WDR89: variants seen among roughly 807,000 people sequenced by gnomAD.
WDR89 encodes the protein WD repeat-containing protein 89.
WDR89 carries 17 observed loss-of-function variants against 29.1 expected under a neutral mutation model. That is an observed-to-expected ratio of 0.58 (90% confidence interval 0.40 to 0.88). The LOEUF is 0.88. Among genes scored for constraint, WDR89 ranks in the 40% least tolerant of loss-of-function variants. WDR89 has a pLI of 0.00. For synonymous variants in WDR89, 138 were observed against 157.8 expected (o/e 0.87, Z 0.94); for missense variants, 396 against 456.3 (o/e 0.87, Z 1.20).
chr14:63,619,077 C>G (rs552407867), intron 2 of WDR89, among the ~76,000 whole-genome samples: 1 of 152,284 alleles, frequency 6.6e-6, no homozygotes, highest in South Asian at 2.1e-4. Context: ...CCTACTTCTG[C>G]CAAGCCTTAC....
intron 2 of WDR89, chr14:63,621,999 TAAAG>T (rs1882724860): frequency 6.6e-6 from 1 of 152,154 alleles, no homozygotes. Flanking sequence ...CGGATTGACA[TAAAG>T]AAATAAAGAG....
intron 2 of WDR89, among the ~76,000 whole-genome samples, chr14:63,603,066 TTTAAAATAGAAATAA>T (rs1273260490): frequency 6.6e-6 from 1 of 152,012 alleles, no homozygotes; most frequent in Non-Finnish European, 1.5e-5. Flanking sequence ...TGGATTTGGG[TTTAAAATAGAAATAA>T]GCATTCCCTC....
At chr14:63,622,147 T>G (rs1329508224) in intron 2 of WDR89, among the ~76,000 whole-genome samples, 3 of 152,206 alleles carry the variant, frequency 2.0e-5, no homozygotes, top group Non-Finnish European at 1.5e-5. Flanking sequence ...CAAAGTAAAG[T>G]GCACCAGTCA....
chr14:63,626,867 C>T (rs1883095423), intron 1 of WDR89, among the ~76,000 whole-genome samples: 1 of 151,784 alleles, frequency 6.6e-6, no homozygotes, highest in Non-Finnish European at 1.5e-5. Flanking sequence ...CCTGTAATCC[C>T]AGCACTTTGG....
chr14:63,615,654 C>A (rs533169011), intron 2 of WDR89, among the ~76,000 whole-genome samples: 1 of 152,194 alleles, frequency 6.6e-6, no homozygotes, highest in East Asian at 1.9e-4. Context: ...CAGCCGGGCC[C>A]AGTGGCTCAT....
At chr14:63,640,739 G>A (rs539942085) in intron 1 of WDR89, among the ~76,000 whole-genome samples, 1 of 150,214 alleles carries the variant, frequency 6.7e-6, no homozygotes, top group Non-Finnish European at 1.5e-5. Context: ...GCCTCCCAAA[G>A]TGCTGGGATT....
At chr14:63,604,788 T>C (rs1264341345) in intron 2 of WDR89, among the ~76,000 whole-genome samples, 2 of 152,166 alleles carry the variant, frequency 1.3e-5, no homozygotes, top group African/African-American at 2.4e-5. Context: ...CTTTCACACA[T>C]TAAAATCACC....
At chr14:63,611,779 T>A (rs1407525193) in intron 2 of WDR89, among the ~76,000 whole-genome samples, 1 of 141,668 alleles carries the variant, frequency 7.1e-6, no homozygotes, top group Non-Finnish European at 1.5e-5. Flanking sequence ...CAGGCTAGAG[T>A]GCTGTGGTGC....
At chr14:63,626,131 T>C (rs932693889) in intron 1 of WDR89, among the ~76,000 whole-genome samples, 2 of 151,978 alleles carry the variant, frequency 1.3e-5, no homozygotes, top group African/African-American at 4.8e-5. Context: ...GGATCACAGG[T>C]GTGAGCCACC....
intron 2 of WDR89, chr14:63,601,931 A>C: frequency 2.3e-6 from 1 of 439,008 alleles, no homozygotes; most frequent in South Asian, 3.6e-5. Context: ...TAAATAACTA[A>C]TGAAAAAAAT....
chr14:63,611,837 C>T (rs1451661642), intron 2 of WDR89, among the ~76,000 whole-genome samples: 1 of 151,928 alleles, frequency 6.6e-6, no homozygotes, highest in South Asian at 2.1e-4. Flanking sequence ...AGCAACTCTC[C>T]TGACTCAGCC....
chr14:63,609,543 C>A (rs1276277621), intron 2 of WDR89, among the ~76,000 whole-genome samples: 3 of 152,138 alleles, frequency 2.0e-5, no homozygotes, highest in Non-Finnish European at 2.9e-5. Flanking sequence ...AATCCCAGCA[C>A]TTCGGGAAGC....
At chr14:63,616,718 G>A (rs556058598) in intron 2 of WDR89, among the ~76,000 whole-genome samples, 22 of 152,308 alleles carry the variant, frequency 1.4e-4, no homozygotes, top group Non-Finnish European at 2.1e-4. Context: ...GAGCTCCATC[G>A]GTCATGGTAA....
chr14:63,624,047 T>A (rs1218359913), intron 2 of WDR89, among the ~76,000 whole-genome samples: 2 of 152,006 alleles, frequency 1.3e-5, no homozygotes, highest in Non-Finnish European at 2.9e-5. Flanking sequence ...ACAAAACTTA[T>A]AAGAGAAAAA....
At chr14:63,623,194 T>C (rs1373929077) in intron 2 of WDR89, among the ~76,000 whole-genome samples, 5 of 92,420 alleles carry the variant, frequency 5.4e-5, no homozygotes, top group Admixed American at 1.1e-4. Flanking sequence ...AAAAACCAGG[T>C]CTCAAAAAAA....
rs371589367 is a variant in WDR89, at chr14:63,598,830, T to G, written c.1113A>C (p.Gln371His). The change falls in exon 3 of 3, where the codon CAA becomes CAC. Residue 371 changes from glutamine (Q) to histidine (H), a missense_variant. Transcript: ENST00000620954. The stretch of plus-strand genomic sequence containing the variant: ...AATCATTACTATGAACTCGTACTCG[T>G]TGGTGCACAGAGGATGCTATTTTCA... ...ESMKIASSVH[Q>H]RVRVHSNDSY... 5.0e-6 allele frequency: 8 copies of G among 1,612,284 alleles called. No individual in the cohort carries two copies. Among genetic ancestry groups the G allele is most frequent in the Middle Eastern group, 1.6e-4 (1 of 6,064 alleles).
intron 2 of WDR89, among the ~76,000 whole-genome samples, chr14:63,609,435 C>CT (rs1400485976): frequency 6.6e-6 from 1 of 152,100 alleles, no homozygotes; most frequent in Non-Finnish European, 1.5e-5. Context: ...ACAGCCACAC[C>CT]AAATTGAGCC....
intron 2 of WDR89, among the ~76,000 whole-genome samples, chr14:63,622,626 G>T (rs1009348585): frequency 2.6e-5 from 4 of 151,904 alleles, no homozygotes; most frequent in African/African-American, 9.7e-5. Context: ...AAGTAGCCAG[G>T]CATGGTGGCA....
At chr14:63,602,134 A>G (rs1189619517) in intron 2 of WDR89, among the ~76,000 whole-genome samples, 1 of 152,222 alleles carries the variant, frequency 6.6e-6, no homozygotes, top group African/African-American at 2.4e-5. Flanking sequence ...TAACTAATGC[A>G]TGCCATGTGT....
Sources: allele counts gnomAD v4.1 joint callset (sites outside exome capture counted in the v4.1 genomes callset), GRCh38; gene constraint gnomAD v4.1.1; transcripts MANE v1.5; gene names NCBI Gene and HGNC (gene_info 2026-07-23, HGNC 2026-07-21).